Variants in CSPG5 observed in about 807,000 individuals in gnomAD.
CSPG5 encodes the protein acidic leucine-rich EGF-like domain-containing brain protein.
A neutral mutation model predicts 39.8 loss-of-function variants in CSPG5; 25 were observed. The ratio of observed to expected loss-of-function variants is 0.63; its 90% CI spans 0.46 to 0.88. The LOEUF is 0.88. Ranked by LOEUF, CSPG5 falls within the 40% of genes least tolerant of loss-of-function variation. CSPG5 has a pLI of 0.00. For missense variants in CSPG5, 627 were observed against 702.2 expected, an observed-to-expected ratio of 0.89 and a Z score of 1.21; for synonymous variants, 295 against 303.9, an observed-to-expected ratio of 0.97 and a Z score of 0.31.
intron 4 of CSPG5, among the ~76,000 whole-genome samples, chr3:47,565,996 G>T (rs574784394): frequency 6.6e-6 from 1 of 152,200 alleles, no homozygotes; most frequent in Non-Finnish European, 1.5e-5. Context: ...CTACAGAGCC[G>T]CACATCAGCC....
chr3:47,569,687 T>C (rs934391343), intron 3 of CSPG5, among the ~76,000 whole-genome samples: 1 of 151,984 alleles, frequency 6.6e-6, no homozygotes, highest in East Asian at 1.9e-4. Context: ...TTAAATTTTA[T>C]TGATAAGTAC....
intron 2 of CSPG5, among the ~76,000 whole-genome samples, chr3:47,575,461 T>C (rs1188117622): frequency 6.6e-6 from 1 of 152,176 alleles, no homozygotes; most frequent in Non-Finnish European, 1.5e-5. Context: ...TACCTCACTG[T>C]GAGGACAGTT....
Position 47,578,420 on chromosome 3 carries a change from G to A in CSPG5, c.97+177C>T, listed in dbSNP as rs2031866352. 6.7e-6 allele frequency among the ~76,000 whole-genome samples: 1 copy of A among 150,134 alleles called. No individual in the cohort carries two copies. The highest frequency in any genetic ancestry group is 2.4e-5 in the African/African-American group (1 of 40,994). On this transcript the variant is annotated intron_variant, in intron 1 of 4. Coordinates refer to ENST00000264723, the MANE Select transcript of CSPG5 (RefSeq NM_006574.4). This position sits in a 1 kb window ranked among gnomAD's most constrained non-coding sequence, Gnocchi z 6.0. The stretch of plus-strand genomic sequence containing the variant: ...CCAACCGGGGTCGGCCCCCACGCGG[G>A]TCGGCCTTTCCCGGACCCCCACCAC...
chr3:47,579,021 G>A, upstream of CSPG5: 1 of 154,924 alleles, frequency 6.5e-6, no homozygotes. This position sits in a 1 kb window ranked among gnomAD's most constrained non-coding sequence, Gnocchi z 4.2. Flanking sequence ...GGAGACACAC[G>A]GACGGGGAGT....
chr3:47,571,407 C>A (rs1162074839), intron 3 of CSPG5, among the ~76,000 whole-genome samples: 1 of 152,226 alleles, frequency 6.6e-6, no homozygotes, highest in East Asian at 1.9e-4. Flanking sequence ...TCTCCCCCAT[C>A]CTCATCAGCA....
At position 47,569,166 on chromosome 3, in the gene CSPG5, C is replaced by A. The variant is rs1411235347; in HGVS notation, c.1444G>T (p.Gly482Cys). The change falls in exon 4 of 5, where the codon GGC becomes TGC. Residue 482 changes from glycine to cysteine, a missense_variant. Transcript: ENST00000264723. Reference sequence around the variant, plus strand: ...AGTTTCCTTACATTTGGGTGAGAGCCCTCGGCAATGGTGGAGAGGGAGAAG... The same window carrying A: ...AGTTTCCTTACATTTGGGTGAGAGCACTCGGCAATGGTGGAGAGGGAGAAG... The part of the protein sequence containing the change: ...DNFSLSTIAE[G>C]SHPNDDPSAP... The A allele has an allele frequency of 3.1e-6, 5 of 1,611,426 alleles. No individual in the cohort carries two copies. The highest frequency in any genetic ancestry group is 2.7e-5 in the African/African-American group (2 of 74,582).
At chr3:47,579,730 G>C (rs1427537653), upstream of CSPG5, 1 of 152,224 alleles carries the variant, frequency 6.6e-6, no homozygotes, top group African/African-American at 2.4e-5. This position sits in a 1 kb window ranked among gnomAD's most constrained non-coding sequence, Gnocchi z 4.2. Context: ...TGGATGCTTG[G>C]CTTTAGAGTG....
intron 4 of CSPG5, 136 bp downstream of exon 4, chr3:47,569,016 A>T: frequency 2.2e-6 from 3 of 1,391,428 alleles, no homozygotes; most frequent in Middle Eastern, 3.8e-4. Flanking sequence ...GACATCAGAC[A>T]TGGGCCAGGG....
intron 2 of CSPG5, among the ~76,000 whole-genome samples, chr3:47,574,440 A>C (rs1352726437): frequency 6.6e-6 from 1 of 152,174 alleles, no homozygotes; most frequent in Non-Finnish European, 1.5e-5. Flanking sequence ...CCCAAACTGA[A>C]TTTTGAGGAG....
At chr3:47,574,986 A>T (rs1241734611) in intron 2 of CSPG5, among the ~76,000 whole-genome samples, 1 of 152,148 alleles carries the variant, frequency 6.6e-6, no homozygotes, top group East Asian at 1.9e-4. Flanking sequence ...AGAAACTGGA[A>T]CTTAAGTTAC....
intron 4 of CSPG5, among the ~76,000 whole-genome samples, chr3:47,567,049 C>T (rs2031329997): frequency 6.6e-6 from 1 of 152,210 alleles, no homozygotes; most frequent in African/African-American, 2.4e-5. Flanking sequence ...GAAACCTTCG[C>T]ACCGGCTGTG....
chr3:47,562,757 T>A lies in CSPG5; in HGVS notation c.1463A>T (p.Asp488Val). Residue 488 changes from aspartate (D) to valine (V), a missense_variant, in exon 5 of 5, where the codon GAT becomes GTT. Physicochemically the swap from Asp to Val is radical, Grantham distance 152 (BLOSUM62 -3). Coordinates refer to ENST00000264723, the MANE Select transcript of CSPG5 (RefSeq NM_006574.4). The stretch of plus-strand genomic sequence containing the variant: ...CTGGATTTTGTGGGGAGCACTAGGA[T>A]CATCCTGGAAGAGGGAAAAAGTTGG... Reference protein sequence around the residue: ...TIAEGSHPNDDPSAPHKIQEV... With the variant: ...TIAEGSHPNDVPSAPHKIQEV... 4 of 1,598,062 alleles carry A rather than the reference T, an allele frequency of 2.5e-6. No individual in the cohort carries two copies. The highest frequency in any genetic ancestry group is 3.4e-6 in the Non-Finnish European group (4 of 1,169,654).
chr3:47,567,769 T>A (rs2031369352), intron 4 of CSPG5, among the ~76,000 whole-genome samples: 1 of 152,182 alleles, frequency 6.6e-6, no homozygotes, highest in Admixed American at 6.5e-5. Flanking sequence ...CCCAACACTT[T>A]GGGAGGCTGC....
At chr3:47,571,567 C>T (rs1248297931) in intron 3 of CSPG5, among the ~76,000 whole-genome samples, 1 of 151,922 alleles carries the variant, frequency 6.6e-6, no homozygotes, top group African/African-American at 2.4e-5. Flanking sequence ...AGTGCACAGG[C>T]ACAATGGAGA....
chr3:47,572,809 TG>T lies in CSPG5; in HGVS notation c.1258del (p.Gln420ArgfsTer2). ...MRCESIITDF[Q>X]VMCVAVGSAA... ...CGAGCCCACGGCCACGCACATCACC[TG>T]GAAGTCGGTGATGATGGACTCGCAG... is the stretch of plus-strand genomic sequence containing the variant. On this transcript the variant is annotated frameshift_variant, in exon 3 of 5. Transcript: ENST00000264723. LOFTEE classifies it high-confidence loss of function. The surrounding 1 kb of genome is among the most constrained non-coding windows in gnomAD (Gnocchi z 4.5). 1 of 1,614,032 alleles carries T rather than the reference TG, an allele frequency of 6.2e-7. No homozygotes were observed. Among genetic ancestry groups the T allele is most frequent in the Non-Finnish European group, 8.5e-7 (1 of 1,179,928 alleles).
intron 4 of CSPG5, among the ~76,000 whole-genome samples, chr3:47,564,247 G>C (rs1390811321): frequency 6.6e-6 from 1 of 152,212 alleles, no homozygotes; most frequent in Non-Finnish European, 1.5e-5. Context: ...CGTCTGTGCT[G>C]CCTGCTACCA....
At chr3:47,563,538 TATGTATTTATTG>T (rs1424463337) in intron 4 of CSPG5, among the ~76,000 whole-genome samples, 6 of 152,282 alleles carry the variant, frequency 3.9e-5, no homozygotes, top group Non-Finnish European at 7.4e-5. Context: ...TTTATGTATT[TATGTATTTATTG>T]ATGTATTTAT....
chr3:47,564,623 C>G (rs2031220340), intron 4 of CSPG5, among the ~76,000 whole-genome samples: 3 of 152,128 alleles, frequency 2.0e-5, no homozygotes, highest in Non-Finnish European at 4.4e-5. Context: ...TGGTCAATCA[C>G]TGCTTAGAAT....
At chr3:47,574,072 G>GGAGCT (rs1190938100) in intron 2 of CSPG5, among the ~76,000 whole-genome samples, 3 of 152,208 alleles carry the variant, frequency 2.0e-5, no homozygotes, top group African/African-American at 7.2e-5. Context: ...CACAGCCAGG[G>GGAGCT]GAGGAATCTG....
Sources: allele counts gnomAD v4.1 joint callset (sites outside exome capture counted in the v4.1 genomes callset), GRCh38; gene constraint gnomAD v4.1.1; non-coding constraint Gnocchi (gnomAD v3.1); transcripts MANE v1.5; gene names NCBI Gene and HGNC (gene_info 2026-07-23, HGNC 2026-07-21).